The following PCDHGA11 variants were observed in gnomAD, a reference collection of about 807,000 sequenced individuals.
PCDHGA11 encodes protocadherin gamma subfamily A, 11.
Under a neutral mutation model 60.4 loss-of-function variants are expected in PCDHGA11, and 39 were observed. The ratio of observed to expected loss-of-function variants is 0.65; its 90% CI spans 0.50 to 0.84. The LOEUF is 0.84. PCDHGA11 is among the 40% of genes least tolerant of loss of function. PCDHGA11 has a pLI of 0.00. For missense variants in PCDHGA11, 1,165 were observed against 1,197.7 expected, an observed-to-expected ratio of 0.97 and a Z score of 0.40; for synonymous variants, 533 against 510.3, an observed-to-expected ratio of 1.04 and a Z score of -0.60.
Position 141,432,849 on chromosome 5 carries a change from T to G in PCDHGA11, c.2433+9189T>G. The G allele has an allele frequency of 1.2e-6, 2 of 1,614,194 alleles. No homozygotes were observed. The highest frequency in any genetic ancestry group is 2.2e-5 in the South Asian group (2 of 91,092). ...CTCACTCTGTACCTGGTGGTAGCGG[T>G]GGCCGCGGTCTCCTGCGTCTTCCTG... On this transcript the variant is annotated intron_variant, in intron 1 of 3. Coordinates refer to ENST00000398587, the MANE Select transcript of PCDHGA11 (RefSeq NM_018914.3). This position sits in a 1 kb window ranked among gnomAD's most constrained non-coding sequence, Gnocchi z 6.0.
chr5:141,428,618 T>G (rs554092834), intron 1 of PCDHGA11: 12 of 206,130 alleles, frequency 5.8e-5, no homozygotes, highest in Admixed American at 2.6e-4. Context: ...AATAACAAGA[T>G]AAGCTCTAAC....
chr5:141,503,130 C>A (rs1406819266), intron 2 of PCDHGA11, among the ~76,000 whole-genome samples: 1 of 151,980 alleles, frequency 6.6e-6, no homozygotes, highest in Non-Finnish European at 1.5e-5. Context: ...CCTCTGGTAG[C>A]CCCTGACACA....
rs750401937 is a variant in PCDHGA11 at position 141,487,357 on chromosome 5, T to G, written c.2434-7450T>G. 5.0e-6 allele frequency: 8 copies of G among 1,614,212 alleles called. No homozygotes were observed. The highest frequency in any genetic ancestry group is 6.8e-6 in the Non-Finnish European group (8 of 1,180,032). ...CCTGTGGAGTCACATGCTTTCCTGC[T>G]GGCACCTGTGCCTGTCTCACCAGAT... On this transcript the variant is annotated intron_variant, in intron 1 of 3. Transcript: ENST00000398587. This position sits in a 1 kb window ranked among gnomAD's most constrained non-coding sequence, Gnocchi z 5.0.
At chr5:141,465,229 A>G (rs1010075158) in intron 1 of PCDHGA11, among the ~76,000 whole-genome samples, 6 of 152,208 alleles carry the variant, frequency 3.9e-5, no homozygotes, top group Non-Finnish European at 2.9e-5. Flanking sequence ...CATGAGCTCC[A>G]TCAAGTTCAA....
Position 141,485,616 on chromosome 5 carries a change from C to T in PCDHGA11, c.2434-9191C>T. On this transcript the variant is annotated intron_variant, in intron 1 of 3. Coordinates refer to ENST00000398587, the MANE Select transcript of PCDHGA11 (RefSeq NM_018914.3). This position sits in a 1 kb window ranked among gnomAD's most constrained non-coding sequence, Gnocchi z 5.7. ...TTGGAAATTGGGGAGGCAGCTCCTCCAGGACAGCGTTTCCCGTTGGAAAAG... is the reference window on the plus strand; with the variant it reads ...TTGGAAATTGGGGAGGCAGCTCCTCTAGGACAGCGTTTCCCGTTGGAAAAG... 1 of 1,612,210 alleles carries T rather than the reference C, an allele frequency of 6.2e-7. No individual in the cohort carries two copies.
rs766191511 is a variant in PCDHGA11, at chr5:141,432,498, G to T, written c.2433+8838G>T. ...TCCACTGGCGTGGAGCTGGCTCCCC[G>T]CTCCGCAGAGCCCGGCTACCTGGTG... On this transcript the variant is annotated intron_variant, in intron 1 of 3. Coordinates refer to ENST00000398587, the MANE Select transcript of PCDHGA11 (RefSeq NM_018914.3). The surrounding 1 kb of genome is among the most constrained non-coding windows in gnomAD (Gnocchi z 6.0). The T allele has an allele frequency of 6.2e-7, 1 of 1,614,106 alleles. No homozygotes were observed. The highest frequency in any genetic ancestry group is 8.5e-7 in the Non-Finnish European group (1 of 1,180,052).
chr5:141,447,851 C>T (rs961725006), intron 1 of PCDHGA11, among the ~76,000 whole-genome samples: 1 of 151,980 alleles, frequency 6.6e-6, no homozygotes, highest in East Asian at 1.9e-4. Flanking sequence ...TTTGGGAGGC[C>T]GAGGTGGGTG....
In PCDHGA11 at chr5:141,491,856, C is replaced by A. The variant is rs754113958; in HGVS notation, c.2434-2951C>A. On this transcript the variant is annotated intron_variant, in intron 1 of 3. Coordinates refer to ENST00000398587, the MANE Select transcript of PCDHGA11 (RefSeq NM_018914.3). This position sits in a 1 kb window ranked among gnomAD's most constrained non-coding sequence, Gnocchi z 6.9. ...TCTCGGGATCATTGGACCGTTTGCG[C>A]GAAACCAGAGTGGCCGATTAAGGGA... 6.9e-7 allele frequency: 1 copy of A among 1,458,728 alleles called. No individual in the cohort carries two copies. The highest frequency in any genetic ancestry group is 9.1e-7 in the Non-Finnish European group (1 of 1,103,072). The allele number at this position is 1,458,728 out of a possible 1,614,324, so 90.4% of individuals were successfully genotyped here. A position where few individuals can be genotyped will look rare whatever the true frequency, so the allele number is the denominator to read the frequency against.
Position 141,490,652 on chromosome 5 carries a change from C to T in PCDHGA11, c.2434-4155C>T, listed in dbSNP as rs1277273880. The T allele has an allele frequency of 1.2e-6, 2 of 1,614,208 alleles. No individual in the cohort carries two copies. The highest frequency in any genetic ancestry group is 1.7e-6 in the Non-Finnish European group (2 of 1,180,026). On this transcript the variant is annotated intron_variant, in intron 1 of 3. Coordinates refer to ENST00000398587, the MANE Select transcript of PCDHGA11 (RefSeq NM_018914.3). The surrounding 1 kb of genome is among the most constrained non-coding windows in gnomAD (Gnocchi z 5.4). ...ATCCTAGAAAACCGGCCTCCGGGCT[C>T]CCTTCTTTGCACTGTGGCTGCCTCA...
chr5:141,503,440 C>A (rs1185892958), intron 2 of PCDHGA11, among the ~76,000 whole-genome samples: 2 of 151,694 alleles, frequency 1.3e-5, no homozygotes, highest in African/African-American at 4.8e-5. Context: ...ACTAAAAATA[C>A]AAAAATTCGC....
Position 141,422,355 on chromosome 5 carries a change from T to A in PCDHGA11, c.1128T>A (p.Asp376Glu). 6.4e-7 allele frequency: 1 copy of A among 1,557,416 alleles called. No individual in the cohort carries two copies. The highest frequency in any genetic ancestry group is 8.6e-7 in the Non-Finnish European group (1 of 1,157,106). ...CTCTTCTAAATGTGCAAGATCAAGA[T>A]TCTGGAGAAAATGGTCAAGTCTCCT... ...VIALLNVQDQDSGENGQVSCF... is the reference protein window; with the variant it reads ...VIALLNVQDQESGENGQVSCF... Residue 376 changes from aspartate (D) to glutamate (E), a missense_variant, in exon 1 of 4, where the codon GAT becomes GAA. Coordinates refer to ENST00000398587, the MANE Select transcript of PCDHGA11 (RefSeq NM_018914.3).
In PCDHGA11 at chr5:141,476,040, G is replaced by A; in HGVS notation, c.2434-18767G>A. 2.0e-6 allele frequency: 3 copies of A among 1,488,704 alleles called. No individual in the cohort carries two copies. Among genetic ancestry groups the A allele is most frequent in the Admixed American group, 2.2e-5 (1 of 44,984 alleles). 92.2% of individuals were successfully genotyped at this position (1,488,704 alleles called of 1,614,324 possible). On this transcript the variant is annotated intron_variant, in intron 1 of 3. Coordinates refer to ENST00000398587, the MANE Select transcript of PCDHGA11 (RefSeq NM_018914.3). The surrounding 1 kb of genome is among the most constrained non-coding windows in gnomAD (Gnocchi z 7.6). The stretch of plus-strand genomic sequence containing the variant: ...CGGACTCGGCGCCCAGCGCCCAAGC[G>A]CTAACCCGCTGAAAGTTTCTCAGCG...
intron 1 of PCDHGA11, chr5:141,478,346 G>A: frequency 6.2e-7 from 1 of 1,613,794 alleles, no homozygotes; most frequent in African/African-American, 1.3e-5. Context: ...CTCCTTGCAC[G>A]CGGACGCCGT....
rs1456451105 is a variant in PCDHGA11 at position 141,477,377 on chromosome 5, C to T, written c.2434-17430C>T. Reference sequence around the variant, plus strand: ...TGCAGACCTGGATCGGGAGACTGTGCCAGAATACAACCTCAGCATCACCGC... The same window carrying T: ...TGCAGACCTGGATCGGGAGACTGTGTCAGAATACAACCTCAGCATCACCGC... On this transcript the variant is annotated intron_variant, in intron 1 of 3. Coordinates refer to ENST00000398587, the MANE Select transcript of PCDHGA11 (RefSeq NM_018914.3). This position sits in a 1 kb window ranked among gnomAD's most constrained non-coding sequence, Gnocchi z 4.9. 1 of 1,614,144 alleles carries T rather than the reference C, an allele frequency of 6.2e-7. No homozygotes were observed. Among genetic ancestry groups the T allele is most frequent in the South Asian group, 1.1e-5 (1 of 91,080 alleles).
At chr5:141,443,538 G>C (rs768723399) in intron 1 of PCDHGA11, among the ~76,000 whole-genome samples, 11 of 152,118 alleles carry the variant, frequency 7.2e-5, no homozygotes. Flanking sequence ...TTTAAAGCTT[G>C]GGAAATTGTT....
rs762064258 is a variant in PCDHGA11, at chr5:141,421,282, A to G, written c.55A>G (p.Ile19Val). The G allele has an allele frequency of 7.4e-6, 12 of 1,613,034 alleles. No individual in the cohort carries two copies. Among genetic ancestry groups the G allele is most frequent in the Non-Finnish European group, 1.0e-5 (12 of 1,179,728 alleles). Reference sequence around the variant, plus strand: ...CAGTCGGCTGCTGCTGCTGCTGTGCATTTTCCTGGGGACGCTGCGGGGGTT... The same window carrying G: ...CAGTCGGCTGCTGCTGCTGCTGTGCGTTTTCCTGGGGACGCTGCGGGGGTT... ...DRSRLLLLLC[I>V]FLGTLRGFRA... The change falls in exon 1 of 4, where the codon ATT (isoleucine) becomes GTT (valine). Residue 19 changes from isoleucine (I) to valine (V), a missense_variant. By Grantham distance (29) the Ile-to-Val change is conservative. Transcript: ENST00000398587.
rs1319222603 is a variant in PCDHGA11 at position 141,438,686 on chromosome 5, A to G, written c.2433+15026A>G. Among the ~76,000 whole-genome samples the G allele has an allele frequency of 2.8e-5, 4 of 140,922 alleles. No homozygotes were observed. The Admixed American group carries it at 2.9e-4, about 10-fold the overall frequency. 92.5% of individuals were successfully genotyped at this position (140,922 alleles called of 152,430 possible). On this transcript the variant is annotated intron_variant, in intron 1 of 3. Transcript: ENST00000398587. ...TATATATATTTGGAGTAGGGGATGGAGTCTTGCTCTGTCACCCAGGCTGGA... is the reference window on the plus strand; with the variant it reads ...TATATATATTTGGAGTAGGGGATGGGGTCTTGCTCTGTCACCCAGGCTGGA...
At chr5:141,427,526 G>A (rs956426158) in intron 1 of PCDHGA11, 2 of 612,866 alleles carry the variant, frequency 3.3e-6, no homozygotes, top group Middle Eastern at 2.6e-4. Context: ...AGCGGATCCC[G>A]GAGTACAACG....
Position 141,485,331 on chromosome 5 carries a change from T to C in PCDHGA11, c.2434-9476T>C, listed in dbSNP as rs1203054851. On this transcript the variant is annotated intron_variant, in intron 1 of 3. Transcript: ENST00000398587. This position sits in a 1 kb window ranked among gnomAD's most constrained non-coding sequence, Gnocchi z 5.7. Reference sequence around the variant, plus strand: ...GTAGGGAATGTCGCTCAAGATTTCCTGCTGGATACGGACAGTCTGTCAGCT... The same window carrying C: ...GTAGGGAATGTCGCTCAAGATTTCCCGCTGGATACGGACAGTCTGTCAGCT... 6.2e-7 allele frequency: 1 copy of C among 1,614,048 alleles called. No individual in the cohort carries two copies. Among genetic ancestry groups the C allele is most frequent in the African/African-American group, 1.3e-5 (1 of 74,902 alleles).
Sources: allele counts gnomAD v4.1 joint callset (sites outside exome capture counted in the v4.1 genomes callset), GRCh38; gene constraint gnomAD v4.1.1; non-coding constraint Gnocchi (gnomAD v3.1); transcripts MANE v1.5; gene names NCBI Gene and HGNC (gene_info 2026-07-23, HGNC 2026-07-21).